SLC22A3: variants seen among roughly 807,000 people sequenced by gnomAD.
SLC22A3 encodes the protein EMT organic cation transporter 3.
Under a neutral mutation model 59.1 loss-of-function variants are expected in SLC22A3, and 51 were observed. The ratio of observed to expected loss-of-function variants is 0.86; its 90% CI spans 0.69 to 1.09. The LOEUF (loss-of-function observed/expected upper bound fraction) is 1.09. SLC22A3 is among the 50% of genes least tolerant of loss of function. The probability of loss-of-function intolerance (pLI) is 0.00; values close to 1 mark genes in which losing one functional copy is unlikely to be tolerated. For synonymous variants in SLC22A3, 325 were observed against 292.0 expected, an observed-to-expected ratio of 1.11 and a Z score of -1.15; for missense variants, 711 against 726.3, an observed-to-expected ratio of 0.98 and a Z score of 0.24.
chr6:160,381,669 T>G (rs1785801378), intron 1 of SLC22A3, among the ~76,000 whole-genome samples: 1 of 152,238 alleles, frequency 6.6e-6, no homozygotes, highest in Non-Finnish European at 1.5e-5. Context: ...TTTACAACTA[T>G]GAAGAGGAAT....
At chr6:160,391,856 C>T (rs1217405888) in intron 1 of SLC22A3, among the ~76,000 whole-genome samples, 2 of 152,192 alleles carry the variant, frequency 1.3e-5, no homozygotes, top group Non-Finnish European at 2.9e-5. Context: ...AGATTTAATA[C>T]TTTCATGTCT....
intron 5 of SLC22A3, among the ~76,000 whole-genome samples, chr6:160,411,156 T>C (rs914886441): frequency 2.0e-5 from 3 of 152,198 alleles, no homozygotes; most frequent in African/African-American, 7.2e-5. Flanking sequence ...ATTTTAATAA[T>C]TGCACCAAGT....
intron 1 of SLC22A3, among the ~76,000 whole-genome samples, chr6:160,389,660 T>C (rs1786170374): frequency 6.6e-6 from 1 of 152,228 alleles, no homozygotes; most frequent in South Asian, 2.1e-4. Flanking sequence ...CTCCCAGTGT[T>C]GATGATACTA....
At chr6:160,414,095 G>C (rs1339220285) in intron 5 of SLC22A3, among the ~76,000 whole-genome samples, 1 of 152,120 alleles carries the variant, frequency 6.6e-6, no homozygotes, top group Non-Finnish European at 1.5e-5. Flanking sequence ...GTTAGATCTA[G>C]AGCTTAATCA....
intron 5 of SLC22A3, among the ~76,000 whole-genome samples, chr6:160,421,698 T>C (rs1190309667): frequency 1.3e-5 from 2 of 152,210 alleles, no homozygotes; most frequent in Non-Finnish European, 2.9e-5. Flanking sequence ...CTGGGAGTTG[T>C]GTAGGCATCT....
At chr6:160,374,440 TGTTCCTATTCA>T (rs369818859) in intron 1 of SLC22A3, among the ~76,000 whole-genome samples, 44 of 152,178 alleles carry the variant, frequency 2.9e-4, no homozygotes, top group African/African-American at 9.9e-4. Context: ...AGACCAGAGC[TGTTCCTATTCA>T]GCCATCTTGC....
At chr6:160,406,582 A>C (rs1787021275) in intron 2 of SLC22A3, among the ~76,000 whole-genome samples, 1 of 152,232 alleles carries the variant, frequency 6.6e-6, no homozygotes. Context: ...GTGGGAATAA[A>C]CAAAAACAAG....
At chr6:160,447,436 G>A (rs548283593) in intron 9 of SLC22A3, among the ~76,000 whole-genome samples, 1 of 152,220 alleles carries the variant, frequency 6.6e-6, no homozygotes, top group African/African-American at 2.4e-5. Context: ...GGCCTTGGGT[G>A]TTGGACCCTA....
chr6:160,438,028 C>A (rs1473151979), intron 7 of SLC22A3, among the ~76,000 whole-genome samples: 1 of 152,148 alleles, frequency 6.6e-6, no homozygotes, highest in Non-Finnish European at 1.5e-5. Flanking sequence ...TTTGGCATAA[C>A]TGCAGCAGTT....
At chr6:160,352,704 C>A (rs1046330341) in intron 1 of SLC22A3, among the ~76,000 whole-genome samples, 5 of 152,188 alleles carry the variant, frequency 3.3e-5, no homozygotes, top group African/African-American at 9.6e-5. Flanking sequence ...AAGAGTGTGT[C>A]TTTCCCATAC....
At position 160,398,038 on chromosome 6, in the gene SLC22A3, C is replaced by T. The variant is rs544366147; in HGVS notation, c.489C>T (p.Leu163=). ...ACCTCACCCAAGCCATCCTGAACCT[C>T]GGCTTCCTGACTGGAGCATTCACCT... The part of the protein sequence containing the change: ...MLDLTQAILN[L]GFLTGAFTLG... The change falls in exon 2 of 11, where the codon CTC becomes CTT. Residue 163 remains leucine (L), a synonymous_variant. Transcript: ENST00000275300. The T allele has an allele frequency of 6.3e-5, 101 of 1,613,804 alleles. No homozygotes were observed. The highest frequency in any genetic ancestry group is 3.6e-4 in the East Asian group (16 of 44,864).
chr6:160,430,063 T>G (rs1289617423), intron 5 of SLC22A3, among the ~76,000 whole-genome samples: 1 of 152,056 alleles, frequency 6.6e-6, no homozygotes, highest in Admixed American at 6.6e-5. Flanking sequence ...GGTGTGTGTG[T>G]GTTATAGGTG....
chr6:160,404,491 C>T (rs985050452), intron 2 of SLC22A3, among the ~76,000 whole-genome samples: 1 of 151,986 alleles, frequency 6.6e-6, no homozygotes, highest in South Asian at 2.1e-4. Flanking sequence ...TAGGAAGACT[C>T]AATATTGTCA....
chr6:160,350,675 G>A (rs888237060), intron 1 of SLC22A3, among the ~76,000 whole-genome samples: 1 of 152,340 alleles, frequency 6.6e-6, no homozygotes. Flanking sequence ...GCATGAGTGA[G>A]TATGATCCAT....
chr6:160,447,935 C>T, intron 10 of SLC22A3, 117 bp downstream of exon 10: 1 of 853,914 alleles, frequency 1.2e-6, no homozygotes, highest in Non-Finnish European at 1.9e-6. Context: ...AAATCCTCAT[C>T]TCATATTGTA....
chr6:160,379,028 C>T (rs1464392225), intron 1 of SLC22A3, among the ~76,000 whole-genome samples: 2 of 152,110 alleles, frequency 1.3e-5, no homozygotes, highest in African/African-American at 2.4e-5. Flanking sequence ...AGTTGGGGAC[C>T]GTCTGTAGAT....
At chr6:160,386,467 C>A (rs1351680916) in intron 1 of SLC22A3, among the ~76,000 whole-genome samples, 1 of 152,220 alleles carries the variant, frequency 6.6e-6, no homozygotes, top group African/African-American at 2.4e-5. Context: ...CTGAGAAAAT[C>A]TTATAAAGTT....
intron 1 of SLC22A3, among the ~76,000 whole-genome samples, chr6:160,380,758 G>A (rs1222123753): frequency 1.3e-5 from 2 of 152,296 alleles, no homozygotes; most frequent in East Asian, 3.9e-4. Flanking sequence ...GACATAGAAT[G>A]ATAACGTAGT....
Position 160,374,298 on chromosome 6 carries a change from T to C in SLC22A3, c.430-23681T>C, listed in dbSNP as rs942839645. On this transcript the variant is annotated intron_variant, in intron 1 of 10. Transcript: ENST00000275300. The stretch of plus-strand genomic sequence containing the variant: ...CCCTTGCACTTCCTGGGTGAGGCAA[T>C]GTCCCACCCTGCTTCAGCTCACCCT... 2.6e-5 allele frequency among the ~76,000 whole-genome samples: 4 copies of C among 152,254 alleles called. No individual in the cohort carries two copies. In the East Asian group the frequency reaches 5.8e-4, roughly 22 times the overall value.
Sources: allele counts gnomAD v4.1 joint callset (sites outside exome capture counted in the v4.1 genomes callset), GRCh38; gene constraint gnomAD v4.1.1; transcripts MANE v1.5; gene names NCBI Gene and HGNC (gene_info 2026-07-23, HGNC 2026-07-21).